RNF144A: variants seen among roughly 807,000 people sequenced by gnomAD.
The protein encoded by RNF144A is E3 ubiquitin-protein ligase RNF144A.
RNF144A carries 11 observed loss-of-function variants against 38.7 expected under a neutral mutation model. The ratio of observed to expected loss-of-function variants is 0.28; its 90% CI spans 0.18 to 0.47. The LOEUF (loss-of-function observed/expected upper bound fraction) is 0.47. Among genes scored for constraint, RNF144A ranks in the 20% least tolerant of loss-of-function variants. The pLI, the probability that RNF144A is intolerant of heterozygous loss-of-function variation, is 0.99. For synonymous variants in RNF144A, 149 were observed against 143.9 expected, an observed-to-expected ratio of 1.04 and a Z score of -0.25; for missense variants, 316 against 377.2, an observed-to-expected ratio of 0.84 and a Z score of 1.34.
intron 2 of RNF144A, among the ~76,000 whole-genome samples, chr2:6,950,298 A>T (rs1270802011): frequency 6.6e-6 from 1 of 152,164 alleles, no homozygotes; most frequent in African/African-American, 2.4e-5. Flanking sequence ...ATTAACAATG[A>T]TATTGTGTTA....
rs1385784642 is a variant in RNF144A at position 7,042,796 on chromosome 2, G to C, written c.*3036G>C. 2 of 985,366 alleles carry C rather than the reference G, an allele frequency of 2.0e-6. No individual in the cohort carries two copies. The highest frequency in any genetic ancestry group is 4.7e-5 in the South Asian group (1 of 21,296). The allele number at this position is 985,366 out of a possible 1,614,324, so 61.0% of individuals were successfully genotyped here. ...ATTGCAGGAATAACTGTCCAAATTA[G>C]TTCTTCCTCCTCAACTCATAGGAGT... is the stretch of plus-strand genomic sequence containing the variant. On this transcript the variant is annotated 3_prime_UTR_variant, in exon 9 of 9. Transcript: ENST00000320892.
intron 6 of RNF144A, among the ~76,000 whole-genome samples, chr2:7,058,896 T>A (rs1170271025): frequency 6.6e-6 from 1 of 152,188 alleles, no homozygotes; most frequent in African/African-American, 2.4e-5. Context: ...TGCTGTGATA[T>A]GCTCCCCTTC....
At chr2:7,006,468 G>A (rs1014906738) in intron 3 of RNF144A, among the ~76,000 whole-genome samples, 1 of 151,962 alleles carries the variant, frequency 6.6e-6, no homozygotes, top group East Asian at 1.9e-4. Context: ...AGGGACACCT[G>A]CCTCCTCAAT....
chr2:6,918,015 G>A (rs1664246191), intron 1 of RNF144A, among the ~76,000 whole-genome samples: 1 of 151,888 alleles, frequency 6.6e-6, no homozygotes, highest in African/African-American at 2.4e-5. Flanking sequence ...GGGTCCCGCG[G>A]GCGAGCTGGC....
downstream of RNF144A, among the ~76,000 whole-genome samples, chr2:7,070,500 T>A (rs1045365963): frequency 6.6e-6 from 1 of 152,176 alleles, no homozygotes; most frequent in Non-Finnish European, 1.5e-5. Context: ...TTAAATTGTT[T>A]CCCTCCAAAA....
Position 7,043,913 on chromosome 2 carries a change from A to G in RNF144A, c.*4153A>G. Reference sequence around the variant, plus strand: ...ACATGTATACGTTATGTATTTGACAAGTGGTGGTGAAACAAAATCAAAACA... The same window carrying G: ...ACATGTATACGTTATGTATTTGACAGGTGGTGGTGAAACAAAATCAAAACA... On this transcript the variant is annotated 3_prime_UTR_variant, in exon 9 of 9. Coordinates refer to ENST00000320892, the MANE Select transcript of RNF144A (RefSeq NM_014746.6). 3.0e-6 allele frequency: 3 copies of G among 985,870 alleles called. No homozygotes were observed. The highest frequency in any genetic ancestry group is 3.6e-6 in the Non-Finnish European group (3 of 829,922). The allele number at this position is 985,870 out of a possible 1,614,324, so 61.1% of individuals were successfully genotyped here.
In RNF144A at chr2:7,014,490, G is replaced by T. The variant is rs1671012388; in HGVS notation, c.172G>T (p.Gly58Ter). 1 of 1,611,964 alleles carries T rather than the reference G, an allele frequency of 6.2e-7. No individual in the cohort carries two copies. Among genetic ancestry groups the T allele is most frequent in the African/African-American group, 1.3e-5 (1 of 74,758 alleles). ...KQYVELLIKE[G>*]LETAISCPDA... ...GTATGTTGAGCTCTTGATCAAAGAA[G>T]GATTAGAAACCGCAATTAGCTGCCC... is the stretch of plus-strand genomic sequence containing the variant. The change falls in exon 4 of 9, where the codon GGA becomes TGA. Residue 58 changes from glycine to a stop codon, truncating the protein, a stop_gained. Coordinates refer to ENST00000320892, the MANE Select transcript of RNF144A (RefSeq NM_014746.6). LOFTEE classifies it high-confidence loss of function.
chr2:6,922,247 G>GCGACTGGGAACCTC (rs2307525), intron 1 of RNF144A, among the ~76,000 whole-genome samples: 124,288 of 151,930 alleles, frequency 0.82, 52,019 homozygotes, highest in Non-Finnish European at 0.92. Context: ...ACTGGGGCCA[G>GCGACTGGGAACCTC]CGAACTAGAC....
intron 1 of RNF144A, among the ~76,000 whole-genome samples, chr2:6,931,106 A>T (rs1245782076): frequency 6.6e-6 from 1 of 152,212 alleles, no homozygotes; most frequent in Non-Finnish European, 1.5e-5. Flanking sequence ...TCATGTCAGA[A>T]CTGGGACAGT....
chr2:6,959,723 G>A lies in RNF144A; in HGVS notation c.-12+18576G>A, dbSNP rs140711183. On this transcript the variant is annotated intron_variant, in intron 2 of 8. Coordinates refer to ENST00000320892, the MANE Select transcript of RNF144A (RefSeq NM_014746.6). ...CCCATTAATCTGTTCATCCATAACCGGTGAATGGATTAATCCGGTCATGAG... is the reference window on the plus strand; with the variant it reads ...CCCATTAATCTGTTCATCCATAACCAGTGAATGGATTAATCCGGTCATGAG... 6.6e-5 allele frequency among the ~76,000 whole-genome samples: 10 copies of A among 152,196 alleles called. No individual in the cohort carries two copies. The East Asian group carries it at 1.9e-3, about 29-fold the overall frequency.
chr2:6,980,733 T>C (rs1225034114), intron 2 of RNF144A, among the ~76,000 whole-genome samples: 1 of 152,222 alleles, frequency 6.6e-6, no homozygotes, highest in Non-Finnish European at 1.5e-5. Flanking sequence ...GGCCCTCTTC[T>C]CACAGCTCCA....
At chr2:6,974,931 A>G (rs1288972499) in intron 2 of RNF144A, among the ~76,000 whole-genome samples, 3 of 152,248 alleles carry the variant, frequency 2.0e-5, no homozygotes, top group Non-Finnish European at 4.4e-5. Flanking sequence ...ATAGATGTAT[A>G]GAATGAGTAG....
chr2:6,999,176 A>C (rs1280604686), intron 3 of RNF144A, among the ~76,000 whole-genome samples: 6 of 152,380 alleles, frequency 3.9e-5, no homozygotes, highest in African/African-American at 1.4e-4. Context: ...CCAAAAAAAC[A>C]GTGACACTGT....
intron 6 of RNF144A, among the ~76,000 whole-genome samples, chr2:7,062,497 TAAAAAA>T (rs70942688): frequency 8.8e-6 from 1 of 113,486 alleles, no homozygotes; most frequent in Non-Finnish European, 1.8e-5. Flanking sequence ...TGCTGGGTGC[TAAAAAA>T]AAAAAAAAAA....
intron 6 of RNF144A, among the ~76,000 whole-genome samples, chr2:7,057,700 T>C (rs1464381203): frequency 6.6e-6 from 1 of 152,190 alleles, no homozygotes; most frequent in Admixed American, 6.5e-5. Context: ...TGCCTAACAA[T>C]CCTGGAATTA....
chr2:6,940,180 C>T (rs1665876111), intron 1 of RNF144A, among the ~76,000 whole-genome samples: 1 of 152,184 alleles, frequency 6.6e-6, no homozygotes, highest in Non-Finnish European at 1.5e-5. Flanking sequence ...GTGTTGCTAT[C>T]TTAGCAACAT....
chr2:6,945,995 G>C (rs1666322061), intron 2 of RNF144A, among the ~76,000 whole-genome samples: 1 of 152,198 alleles, frequency 6.6e-6, no homozygotes, highest in African/African-American at 2.4e-5. Context: ...GAACCATTCA[G>C]ATGTGTCAAG....
chr2:7,054,967 C>A (rs1232377839), intron 6 of RNF144A, among the ~76,000 whole-genome samples: 2 of 152,150 alleles, frequency 1.3e-5, no homozygotes, highest in Non-Finnish European at 2.9e-5. Context: ...CCACCCAAAC[C>A]TCTCCTGCTG....
Position 7,040,838 on chromosome 2 carries a change from AC to A in RNF144A, c.*1079del. The A allele has an allele frequency of 1.0e-6, 1 of 985,436 alleles. No homozygotes were observed. The highest frequency in any genetic ancestry group is 1.2e-6 in the Non-Finnish European group (1 of 829,916). The allele number at this position is 985,436 out of a possible 1,614,324, so 61.0% of individuals were successfully genotyped here. A position where few individuals can be genotyped will look rare whatever the true frequency, so the allele number is the denominator to read the frequency against. On this transcript the variant is annotated 3_prime_UTR_variant, in exon 9 of 9. Coordinates refer to ENST00000320892, the MANE Select transcript of RNF144A (RefSeq NM_014746.6). Reference sequence around the variant, plus strand: ...CATTTTGAGAAATCATATATCTTACACAGTTCCAAGTCCTGTTGCTAACCGT... The same window carrying A: ...CATTTTGAGAAATCATATATCTTACAAGTTCCAAGTCCTGTTGCTAACCGT...
Sources: allele counts gnomAD v4.1 joint callset (sites outside exome capture counted in the v4.1 genomes callset), GRCh38; gene constraint gnomAD v4.1.1; transcripts MANE v1.5; gene names NCBI Gene and HGNC (gene_info 2026-07-23, HGNC 2026-07-21).